ARFRP1: variants seen among roughly 807,000 people sequenced by gnomAD.
The protein encoded by ARFRP1 is ARF related protein 1.
In ARFRP1, 19 loss-of-function variants were observed where a neutral mutation model predicts 30.3. That is an observed-to-expected ratio of 0.63 (90% CI 0.44 to 0.92). The LOEUF (loss-of-function observed/expected upper bound fraction) is 0.92, where lower values mean the gene tolerates loss of function less well. Among genes scored for constraint, ARFRP1 ranks in the 40% least tolerant of loss-of-function variants. ARFRP1 has a pLI of 0.00. For synonymous variants in ARFRP1, 133 were observed against 114.2 expected (o/e 1.16, Z -1.05); for missense variants, 245 against 267.5 (o/e 0.92, Z 0.59).
chr20:63,701,323 G>A (rs1001357116), intron 6 of ARFRP1: 7 of 533,096 alleles, frequency 1.3e-5, no homozygotes, highest in Admixed American at 7.8e-5. Flanking sequence ...TCTGTGCAAA[G>A]CCACTCCAAG....
In ARFRP1 at chr20:63,699,958, AG is replaced by A. The variant is rs1345848752; in HGVS notation, c.*484del. 2.7e-5 allele frequency: 5 copies of A among 188,022 alleles called. No individual in the cohort carries two copies. The highest frequency in any genetic ancestry group is 1.2e-4 in the African/African-American group (5 of 42,494). The allele number at this position is 188,022 out of a possible 1,614,324, so 11.6% of individuals were successfully genotyped here. On this transcript the variant is annotated 3_prime_UTR_variant, in exon 8 of 8. Coordinates refer to ENST00000622789, the MANE Select transcript of ARFRP1 (RefSeq NM_001267547.3). ...GGGAACATGGCCTGGGTCTTCCTCA[AG>A]GCAAGATCAGCCCCAGACCACTTCC...
intron 2 of ARFRP1, 113 bp downstream of exon 2, chr20:63,706,886 C>T: frequency 1.5e-6 from 2 of 1,338,252 alleles, no homozygotes; most frequent in Non-Finnish European, 2.1e-6. Flanking sequence ...ATCCTGCCGT[C>T]TCAGGTGAAA....
chr20:63,698,843 C>T lies in ARFRP1; in HGVS notation c.*1600G>A, dbSNP rs1014224225. On this transcript the variant is annotated 3_prime_UTR_variant, in exon 8 of 8. Coordinates refer to ENST00000622789, the MANE Select transcript of ARFRP1 (RefSeq NM_001267547.3). ...GGAGGATCAGTGGGGAGTGCCACCTCTGCCCCCAGTGGCTGTGGCACGTGG... is the reference window on the plus strand; with the variant it reads ...GGAGGATCAGTGGGGAGTGCCACCTTTGCCCCCAGTGGCTGTGGCACGTGG... 1.9e-5 allele frequency: 6 copies of T among 319,742 alleles called. No individual in the cohort carries two copies. The highest frequency in any genetic ancestry group is 1.3e-4 in the African/African-American group (6 of 46,362). The allele number at this position is 319,742 out of a possible 1,614,324, so 19.8% of individuals were successfully genotyped here.
chr20:63,707,401 CT>C (rs1381461406), intron 1 of ARFRP1: 1 of 285,566 alleles, frequency 3.5e-6, no homozygotes, highest in Non-Finnish European at 6.7e-6. Context: ...CGCTCCCGCC[CT>C]CCCCCGAGGC....
Position 63,700,405 on chromosome 20 carries a change from C to T in ARFRP1, c.*38G>A. The T allele has an allele frequency of 1.2e-6, 2 of 1,602,306 alleles. No individual in the cohort carries two copies. Among genetic ancestry groups the T allele is most frequent in the South Asian group, 1.1e-5 (1 of 90,808 alleles). ...CCAACAGGAGGCCACTCCTCCAGCA[C>T]CAGGGGACCAGCCGTCCCGACGGCA... On this transcript the variant is annotated 3_prime_UTR_variant, in exon 8 of 8. Transcript: ENST00000622789.
chr20:63,701,998 G>GGCCCCCC, intron 5 of ARFRP1, 98 bp from the exon 6 acceptor site: 3 of 583,910 alleles, frequency 5.1e-6, no homozygotes, highest in Non-Finnish European at 5.1e-6. Flanking sequence ...CACTCCCTCT[G>GGCCCCCC]CCCCCCCCCC....
chr20:63,700,590 GC>G lies in ARFRP1; in HGVS notation c.518+11del. 1 of 1,610,474 alleles carries G rather than the reference GC, an allele frequency of 6.2e-7. No individual in the cohort carries two copies. On this transcript the variant is annotated intron_variant, in intron 7 of 7. Coordinates refer to ENST00000622789, the MANE Select transcript of ARFRP1 (RefSeq NM_001267547.3). ...GGTCCCCAAAGCCCCCGCAGGTGCAGCCCCCACTCACCCTGTGAGGGCCGAG... is the reference window on the plus strand; with the variant it reads ...GGTCCCCAAAGCCCCCGCAGGTGCAGCCCCACTCACCCTGTGAGGGCCGAG...
intron 2 of ARFRP1, 121 bp downstream of exon 2, chr20:63,706,878 C>T: frequency 7.7e-7 from 1 of 1,305,924 alleles, no homozygotes; most frequent in South Asian, 1.2e-5. Flanking sequence ...TGGTGACTAT[C>T]CTGCCGTCTC....
At chr20:63,705,211 C>A (rs938540112) in intron 4 of ARFRP1, 1 of 159,454 alleles carries the variant, frequency 6.3e-6, no homozygotes, top group Non-Finnish European at 1.4e-5. Context: ...CAGGATCTAT[C>A]AGAGATCACT....
chr20:63,705,545 G>A, intron 4 of ARFRP1: 4 of 459,352 alleles, frequency 8.7e-6, no homozygotes, highest in South Asian at 5.0e-5. Context: ...CCCAAAACCT[G>A]TGTCAAAATA....
rs758569655 is a variant in ARFRP1, at chr20:63,700,467, C to T, written c.582G>A (p.Pro194=). Residue 194 remains proline (P), a synonymous_variant, in exon 8 of 8, where the codon CCG becomes CCA. Coordinates refer to ENST00000622789, the MANE Select transcript of ARFRP1 (RefSeq NM_001267547.3). The part of the protein sequence containing the change: ...VKCVVRNVHR[P]PRQRDIT ...CCTACGTGATGTCCCTCTGCCGCGG[C>T]GGCCGGTGCACATTCCGCACGACAC... 92 of 1,609,682 alleles carry T rather than the reference C, an allele frequency of 5.7e-5. 1 individual carries two copies. The Middle Eastern group carries it at 6.6e-4, about 12-fold the overall frequency.
rs568176227 is a variant in ARFRP1, at chr20:63,699,875, C to G, written c.*568G>C. The G allele has an allele frequency of 6.0e-6, 1 of 167,606 alleles. No homozygotes were observed. The highest frequency in any genetic ancestry group is 1.7e-4 in the East Asian group (1 of 5,962). The allele number at this position is 167,606 out of a possible 1,614,324, so 10.4% of individuals were successfully genotyped here. On this transcript the variant is annotated 3_prime_UTR_variant, in exon 8 of 8. Coordinates refer to ENST00000622789, the MANE Select transcript of ARFRP1 (RefSeq NM_001267547.3). ...CAGGCGTGGGGTATAGGTCTTCCCC[C>G]GCAGGCCTCAGCCCTGTCCCGAGGC... is the stretch of plus-strand genomic sequence containing the variant.
chr20:63,700,730 G>C (rs775473470), intron 6 of ARFRP1, 28 bp from the exon 7 acceptor site: 1 of 1,605,360 alleles, frequency 6.2e-7, no homozygotes, highest in Non-Finnish European at 8.5e-7. Context: ...GTGAGGAGCA[G>C]CCCCCACGTC....
chr20:63,703,529 G>C (rs560056389), intron 4 of ARFRP1: 1 of 152,400 alleles, frequency 6.6e-6, no homozygotes, highest in Non-Finnish European at 1.5e-5. Flanking sequence ...CTACAGACAG[G>C]TCCCACACAG....
Position 63,700,592 on chromosome 20 carries a change from C to G in ARFRP1, c.518+10G>C. 1 of 1,610,576 alleles carries G rather than the reference C, an allele frequency of 6.2e-7. No individual in the cohort carries two copies. The highest frequency in any genetic ancestry group is 8.5e-7 in the Non-Finnish European group (1 of 1,179,884). ...TCCCCAAAGCCCCCGCAGGTGCAGC[C>G]CCCACTCACCCTGTGAGGGCCGAGC... On this transcript the variant is annotated intron_variant, in intron 7 of 7. Transcript: ENST00000622789.
chr20:63,703,945 G>GTGGC (rs1011424333), intron 4 of ARFRP1: 1 of 152,540 alleles, frequency 6.6e-6, no homozygotes, highest in African/African-American at 2.4e-5. Context: ...GTGTCCAAGC[G>GTGGC]TGGCTCCTGG....
intron 6 of ARFRP1, 170 bp from the exon 7 acceptor site, chr20:63,700,872 G>C (rs747836586): frequency 1.7e-5 from 15 of 890,124 alleles, no homozygotes; most frequent in Non-Finnish European, 2.3e-5. Flanking sequence ...CCTGTGCTCA[G>C]CCCGAGGCTG....
Position 63,706,668 on chromosome 20 carries a change from G to T in ARFRP1, c.164C>A (p.Thr55Asn). Residue 55 changes from threonine to asparagine, a missense_variant, in exon 3 of 8, where the codon ACC becomes AAC. Transcript: ENST00000622789. Reference sequence around the variant, plus strand: ...ACCCTTACTGTTTAGGCCCACGGTGGTGGTGATTTTGGATAGACTCATCCC... The same window carrying T: ...ACCCTTACTGTTTAGGCCCACGGTGTTGGTGATTTTGGATAGACTCATCCC... The part of the protein sequence containing the change: ...YKGMSLSKIT[T>N]TVGLNIGTVD... 6.2e-7 allele frequency: 1 copy of T among 1,613,100 alleles called. No individual in the cohort carries two copies. The highest frequency in any genetic ancestry group is 1.1e-5 in the South Asian group (1 of 91,066).
At chr20:63,701,051 G>T in intron 6 of ARFRP1, 1 of 400,862 alleles carries the variant, frequency 2.5e-6, no homozygotes, top group Non-Finnish European at 5.0e-6. Flanking sequence ...AGCCGGGGAT[G>T]ATGGAGAGGT....
Sources: allele counts gnomAD v4.1 joint callset, GRCh38; gene constraint gnomAD v4.1.1; transcripts MANE v1.5; gene names NCBI Gene and HGNC (gene_info 2026-07-23, HGNC 2026-07-21).